KIF26B: variants seen among roughly 807,000 people sequenced by gnomAD.
The protein encoded by KIF26B is kinesin-like protein KIF26B.
In KIF26B, 63 loss-of-function variants were observed where a neutral mutation model predicts 151.2. The observed-to-expected ratio is 0.42, with a 90% CI of 0.34 to 0.51. KIF26B has a LOEUF of 0.51. KIF26B is among the 20% of genes least tolerant of loss of function. The pLI is 0.07. For synonymous variants in KIF26B, 1,357 were observed against 1,262.1 expected (o/e 1.08, Z -1.59); for missense variants, 2,813 against 2,913.6 (o/e 0.97, Z 0.79).
chr1:245,360,858 A>G lies in KIF26B; in HGVS notation c.466-5976A>G, dbSNP rs114422008. Among the ~76,000 whole-genome samples, 1,388 of 152,224 alleles carry G rather than the reference A, an allele frequency of 9.1e-3. 19 individuals are homozygous for G. The highest frequency in any genetic ancestry group is 0.04 in the East Asian group (206 of 5,174). On this transcript the variant is annotated intron_variant, in intron 2 of 14. Transcript: ENST00000407071. ...AAAACTCCATCGGTACTAAAAATAC[A>G]AAAAAATTAGCCGGGTGTGGCGGTG... is the stretch of plus-strand genomic sequence containing the variant.
At chr1:245,322,194 G>T (rs1046368431) in intron 2 of KIF26B, among the ~76,000 whole-genome samples, 2 of 152,070 alleles carry the variant, frequency 1.3e-5, no homozygotes, top group African/African-American at 4.8e-5. Context: ...GACACAGGGA[G>T]GAGAACATCA....
chr1:245,396,358 A>G (rs1212226824), intron 3 of KIF26B, among the ~76,000 whole-genome samples: 4 of 149,154 alleles, frequency 2.7e-5, no homozygotes, highest in South Asian at 2.1e-4. Flanking sequence ...CAAATAAAAT[A>G]TGTATGCATT....
At position 245,416,292 on chromosome 1, in the gene KIF26B, A is replaced by AAAG. The variant is rs58453460; in HGVS notation, c.1000-3285_1000-3284insGAA. Among the ~76,000 whole-genome samples, 722 of 142,924 alleles carry AAAG rather than the reference A, an allele frequency of 5.1e-3. 14 individuals carry two copies. Among genetic ancestry groups the AAAG allele is most frequent in the African/African-American group, 0.016 (610 of 38,474 alleles). The allele number at this position is 142,924 out of a possible 152,430, so 93.8% of individuals were successfully genotyped here. On this transcript the variant is annotated intron_variant, in intron 3 of 14. Transcript: ENST00000407071. Reference sequence around the variant, plus strand: ...CGAAACTCTGTCTCAAAAAAAAAAAAAAAAAAAGAATCAAACAAAATAGAA... The same window carrying AAAG: ...CGAAACTCTGTCTCAAAAAAAAAAAAAAGAAAAAAAGAATCAAACAAAATAGAA...
At chr1:245,160,640 GAA>G (rs1668516140) in intron 2 of KIF26B, among the ~76,000 whole-genome samples, 1 of 150,362 alleles carries the variant, frequency 6.7e-6, no homozygotes, top group African/African-American at 2.5e-5. Context: ...ATCAATAAAA[GAA>G]AATCTTTTAT....
intron 9 of KIF26B, chr1:245,614,730 C>G (rs2043566923): frequency 6.6e-6 from 1 of 152,290 alleles, no homozygotes; most frequent in Non-Finnish European, 1.5e-5. Flanking sequence ...TGATGGTGAG[C>G]AAAGTCTCAC....
At position 245,687,153 on chromosome 1, in the gene KIF26B, T is replaced by C; in HGVS notation, c.4170T>C (p.Asn1390=). Residue 1390 remains asparagine (N), a synonymous_variant, in exon 12 of 15, where the codon AAT becomes AAC. Transcript: ENST00000407071. The surrounding 1 kb of genome is among the most constrained non-coding windows in gnomAD (Gnocchi z 4.9). The part of the protein sequence containing the change: ...SCEGYIPMKT[N]ITVYPCIAMS... ...AGGGGTACATCCCCATGAAGACCAA[T>C]ATCACAGTTTACCCCTGCATTGCCA... 2.5e-6 allele frequency: 4 copies of C among 1,613,084 alleles called. No homozygotes were observed. Among genetic ancestry groups the C allele is most frequent in the Non-Finnish European group, 3.4e-6 (4 of 1,179,772 alleles).
intron 2 of KIF26B, among the ~76,000 whole-genome samples, chr1:245,272,518 C>A (rs781772586): frequency 9.2e-5 from 14 of 151,822 alleles, no homozygotes; most frequent in Non-Finnish European, 1.8e-4. Flanking sequence ...TATTTCATTT[C>A]TTTCAATTAT....
At chr1:245,666,732 C>G (rs1054089677) in intron 10 of KIF26B, among the ~76,000 whole-genome samples, 5 of 151,830 alleles carry the variant, frequency 3.3e-5, no homozygotes, top group Middle Eastern at 3.2e-3. Flanking sequence ...TTAACTTGTC[C>G]GTACCAAATG....
At chr1:245,158,273 C>T (rs377620639) in intron 2 of KIF26B, among the ~76,000 whole-genome samples, 48 of 152,178 alleles carry the variant, frequency 3.2e-4, no homozygotes, top group East Asian at 2.3e-3. Flanking sequence ...TCAAAATACA[C>T]TCTTCTCATT....
At chr1:245,243,878 GAA>G (rs1670260572) in intron 2 of KIF26B, among the ~76,000 whole-genome samples, 1 of 358 alleles carries the variant, frequency 2.8e-3, no homozygotes, top group African/African-American at 3.4e-3. Flanking sequence ...GAAAAAGAAA[GAA>G]AGGAAAGGAA....
At chr1:245,217,417 T>A (rs1669670652) in intron 2 of KIF26B, among the ~76,000 whole-genome samples, 1 of 149,790 alleles carries the variant, frequency 6.7e-6, no homozygotes, top group Non-Finnish European at 1.5e-5. Context: ...CACGCTGGAG[T>A]GCAATGGCAC....
At chr1:245,476,018 C>A (rs1477536729) in intron 4 of KIF26B, among the ~76,000 whole-genome samples, 1 of 151,792 alleles carries the variant, frequency 6.6e-6, no homozygotes, top group Non-Finnish European at 1.5e-5. Context: ...AAAGGTCTAT[C>A]CCTGATGCAT....
At chr1:245,639,485 T>G (rs537269325) in intron 9 of KIF26B, among the ~76,000 whole-genome samples, 9 of 151,982 alleles carry the variant, frequency 5.9e-5, no homozygotes, top group African/African-American at 1.9e-4. Context: ...TGCTCCATCT[T>G]TACTCATTTT....
Position 245,688,738 on chromosome 1 carries a change from A to G in KIF26B, c.5755A>G (p.Ser1919Gly). The change falls in exon 12 of 15, where the codon AGC becomes GGC. Residue 1919 changes from serine (S) to glycine (G), a missense_variant. Transcript: ENST00000407071. ...CGCGTCCTCGGCGCAGGACTCCACG[A>G]GCGAGAACAGCAGCTCCGTGGGCGG... ...GSASSAQDST[S>G]ENSSSVGGRC... The G allele has an allele frequency of 1.9e-6, 3 of 1,606,362 alleles. No homozygotes were observed. The highest frequency in any genetic ancestry group is 2.6e-6 in the Non-Finnish European group (3 of 1,175,944).
chr1:245,254,353 A>G (rs905285307), intron 2 of KIF26B, among the ~76,000 whole-genome samples: 1 of 152,200 alleles, frequency 6.6e-6, no homozygotes, highest in African/African-American at 2.4e-5. Context: ...CAGGCGTTGT[A>G]ACTTTCCAGA....
At chr1:245,545,810 A>C (rs566619207) in intron 5 of KIF26B, among the ~76,000 whole-genome samples, 2 of 125,560 alleles carry the variant, frequency 1.6e-5, no homozygotes, top group Admixed American at 1.7e-4. Context: ...TCAGTTCTTC[A>C]TGAAATTTGT....
chr1:245,454,881 G>T (rs1324991110), intron 4 of KIF26B, among the ~76,000 whole-genome samples: 1 of 152,102 alleles, frequency 6.6e-6, no homozygotes, highest in Non-Finnish European at 1.5e-5. Context: ...GTGGATAAAT[G>T]CCCAGATATC....
chr1:245,702,786 C>A lies in KIF26B; in HGVS notation c.*180C>A. ...TCTTTTGTTTTCTGTAGGAAAGGTG[C>A]AAACGTCAAACACCGTGGAAGGAGA... On this transcript the variant is annotated 3_prime_UTR_variant, in exon 15 of 15. Transcript: ENST00000407071. The surrounding 1 kb of genome is among the most constrained non-coding windows in gnomAD (Gnocchi z 4.1). 1 of 612,178 alleles carries A rather than the reference C, an allele frequency of 1.6e-6. No homozygotes were observed. 37.9% of individuals were successfully genotyped at this position (612,178 alleles called of 1,614,324 possible). A position where few individuals can be genotyped will look rare whatever the true frequency, so the allele number is the denominator to read the frequency against.
chr1:245,291,492 A>C (rs1029200561), intron 2 of KIF26B, among the ~76,000 whole-genome samples: 1 of 152,084 alleles, frequency 6.6e-6, no homozygotes, highest in Non-Finnish European at 1.5e-5. Context: ...TTGTGACCCA[A>C]GCATGCAGGC....
Sources: allele counts gnomAD v4.1 joint callset (sites outside exome capture counted in the v4.1 genomes callset), GRCh38; gene constraint gnomAD v4.1.1; non-coding constraint Gnocchi (gnomAD v3.1); transcripts MANE v1.5; gene names NCBI Gene and HGNC (gene_info 2026-07-23, HGNC 2026-07-21).